The following GPR158 variants were observed in gnomAD, a reference collection of about 807,000 sequenced individuals.
The protein encoded by GPR158 is G protein-coupled receptor 158.
GPR158 carries 30 observed loss-of-function variants against 78.2 expected under a neutral mutation model. The ratio of observed to expected loss-of-function variants is 0.38; its 90% CI spans 0.29 to 0.52. The LOEUF (loss-of-function observed/expected upper bound fraction) is 0.52. Among genes scored for constraint, GPR158 ranks in the 20% least tolerant of loss-of-function variants. The pLI is 0.83. For synonymous variants in GPR158, 581 were observed against 591.1 expected (o/e 0.98, Z 0.25); for missense variants, 1,463 against 1,523.5 (o/e 0.96, Z 0.66).
In GPR158 at chr10:25,213,260, ACTT is replaced by A. The variant is rs553102767; in HGVS notation, c.903-7789_903-7787del. On this transcript the variant is annotated intron_variant, in intron 1 of 10. Transcript: ENST00000376351. ...CCTTAAAGGGAACATCTTAAAAAAA[ACTT>A]CTCCCGTAAGAGTAATGTTGGTAGA... Among the ~76,000 whole-genome samples the A allele has an allele frequency of 4.6e-5, 7 of 152,288 alleles. No individual in the cohort carries two copies. The South Asian group carries it at 1.2e-3, about 27-fold the overall frequency.
chr10:25,546,295 G>T (rs1305295478), intron 5 of GPR158, among the ~76,000 whole-genome samples: 1 of 152,056 alleles, frequency 6.6e-6, no homozygotes, highest in Non-Finnish European at 1.5e-5. Context: ...TCTCCTTTGT[G>T]GTTCTCTTGT....
chr10:25,242,281 T>C (rs1853637709), intron 2 of GPR158, among the ~76,000 whole-genome samples: 1 of 152,226 alleles, frequency 6.6e-6, no homozygotes, highest in Non-Finnish European at 1.5e-5. Flanking sequence ...CACCAGATGC[T>C]GAAATAAAAT....
intron 2 of GPR158, among the ~76,000 whole-genome samples, chr10:25,329,661 T>C (rs921396827): frequency 1.3e-4 from 19 of 151,842 alleles, no homozygotes; most frequent in African/African-American, 4.1e-4. Flanking sequence ...TAAATGTGGA[T>C]ATTAAAGGAA....
chr10:25,577,159 G>A (rs563418621), intron 7 of GPR158, among the ~76,000 whole-genome samples: 11 of 152,204 alleles, frequency 7.2e-5, no homozygotes, highest in South Asian at 2.1e-4. Flanking sequence ...GGTTTCTAAC[G>A]TGTAGTGTGT....
intron 2 of GPR158, among the ~76,000 whole-genome samples, chr10:25,327,572 T>C (rs1855055132): frequency 6.6e-6 from 1 of 152,206 alleles, no homozygotes; most frequent in African/African-American, 2.4e-5. Flanking sequence ...ACTCTTCATC[T>C]GTGGCTAGAC....
intron 2 of GPR158, among the ~76,000 whole-genome samples, chr10:25,319,826 C>A (rs1588797038): frequency 6.9e-6 from 1 of 144,510 alleles, no homozygotes; most frequent in African/African-American, 2.8e-5. Flanking sequence ...CACCCCACCC[C>A]CCCCAAAAAA....
chr10:25,415,713 G>T (rs1225363044), intron 4 of GPR158, among the ~76,000 whole-genome samples: 1 of 152,040 alleles, frequency 6.6e-6, no homozygotes, highest in Non-Finnish European at 1.5e-5. Context: ...CATAGGACAT[G>T]GATGGACCTT....
intron 2 of GPR158, among the ~76,000 whole-genome samples, chr10:25,351,099 C>T (rs1040343098): frequency 6.6e-6 from 1 of 151,884 alleles, no homozygotes; most frequent in African/African-American, 2.4e-5. Context: ...TGAGCCTGAA[C>T]GCGTGGCTAT....
intron 1 of GPR158, among the ~76,000 whole-genome samples, chr10:25,204,650 T>G (rs557417024): frequency 6.6e-6 from 1 of 152,270 alleles, no homozygotes; most frequent in Non-Finnish European, 1.5e-5. Flanking sequence ...TTGGATTCGG[T>G]TTGCCAGTAT....
chr10:25,320,261 T>C (rs938564735), intron 2 of GPR158, among the ~76,000 whole-genome samples: 2 of 152,232 alleles, frequency 1.3e-5, no homozygotes, highest in Non-Finnish European at 2.9e-5. Flanking sequence ...TCTGTAGTCC[T>C]TAATAGTGGA....
At chr10:25,509,632 T>C (rs1401094058) in intron 5 of GPR158, among the ~76,000 whole-genome samples, 1 of 152,240 alleles carries the variant, frequency 6.6e-6, no homozygotes, top group East Asian at 1.9e-4. Context: ...TTGACTTCCT[T>C]ACAAAACATG....
chr10:25,387,867 A>T lies in GPR158; in HGVS notation c.1009-8044A>T, dbSNP rs114150671. 9.2e-3 allele frequency among the ~76,000 whole-genome samples: 1,403 copies of T among 152,150 alleles called. 22 individuals are homozygous for T. The highest frequency in any genetic ancestry group is 0.032 in the African/African-American group (1,337 of 41,486). On this transcript the variant is annotated intron_variant, in intron 2 of 10. Coordinates refer to ENST00000376351, the MANE Select transcript of GPR158 (RefSeq NM_020752.3). ...GGAAGATTGTTGTTTATTCTTTTAT[A>T]CATGTTTAGTAGAATTCTCCATTGA...
chr10:25,218,878 T>A (rs1313158398), intron 1 of GPR158, among the ~76,000 whole-genome samples: 1 of 152,008 alleles, frequency 6.6e-6, no homozygotes, highest in Non-Finnish European at 1.5e-5. Flanking sequence ...TTGTATAGTA[T>A]AATTTAATCA....
At chr10:25,232,141 C>T (rs1853457258) in intron 2 of GPR158, among the ~76,000 whole-genome samples, 1 of 152,054 alleles carries the variant, frequency 6.6e-6, no homozygotes, top group South Asian at 2.1e-4. Context: ...GGGGAAAAAA[C>T]CTACCTATTA....
At chr10:25,589,577 G>A (rs981313487) in intron 8 of GPR158, among the ~76,000 whole-genome samples, 3 of 152,190 alleles carry the variant, frequency 2.0e-5, no homozygotes, top group Non-Finnish European at 4.4e-5. Context: ...CAACTTGTAT[G>A]TATGAATTCT....
chr10:25,363,311 C>G (rs1460653133), intron 2 of GPR158, among the ~76,000 whole-genome samples: 3 of 151,842 alleles, frequency 2.0e-5, no homozygotes, highest in Non-Finnish European at 2.9e-5. Flanking sequence ...GGAGTATATT[C>G]ATTATCATTC....
Position 25,599,292 on chromosome 10 carries a change from G to A in GPR158, c.*18G>A. On this transcript the variant is annotated 3_prime_UTR_variant, in exon 11 of 11. Transcript: ENST00000376351. ...AAGTGTAGCATCTCCAGGAAGAAGA[G>A]GAAAAGGAGGGAACCCCGGATTGGA... The A allele has an allele frequency of 1.3e-6, 2 of 1,541,912 alleles. No homozygotes were observed. Among genetic ancestry groups the A allele is most frequent in the South Asian group, 1.1e-5 (1 of 87,208 alleles).
chr10:25,221,303 G>T, intron 2 of GPR158, 146 bp downstream of exon 2: 1 of 514,678 alleles, frequency 1.9e-6, no homozygotes, highest in Non-Finnish European at 3.4e-6. Flanking sequence ...ACTAAAATAG[G>T]AGTAGAAAAT....
chr10:25,461,211 A>C (rs909872708), intron 4 of GPR158, among the ~76,000 whole-genome samples: 2 of 152,232 alleles, frequency 1.3e-5, no homozygotes, highest in Non-Finnish European at 2.9e-5. Flanking sequence ...GAATTGATTA[A>C]GCTTAATAAG....
Sources: gnomAD v4.1 joint callset for allele counts (sites outside exome capture counted in the v4.1 genomes callset) on GRCh38, gnomAD v4.1.1 for gene constraint, MANE v1.5 for transcripts, NCBI Gene and HGNC (gene_info 2026-07-23, HGNC 2026-07-21) for gene names.